The following GTPBP1 variants were observed in gnomAD, a reference collection of about 807,000 sequenced individuals.
GTPBP1 encodes the protein GTP binding protein 1.
Under a neutral mutation model 62.0 loss-of-function variants are expected in GTPBP1, and 23 were observed. The observed-to-expected ratio is 0.37, with a 90% CI of 0.27 to 0.53. The LOEUF (loss-of-function observed/expected upper bound fraction) is 0.53. GTPBP1 is among the 20% of genes least tolerant of loss of function. The pLI is 0.89. For synonymous variants in GTPBP1, 344 were observed against 364.4 expected, an observed-to-expected ratio of 0.94 and a Z score of 0.64; for missense variants, 640 against 917.3, an observed-to-expected ratio of 0.70 and a Z score of 3.90.
At chr22:38,736,538 T>C, downstream of GTPBP1, 1 of 562,578 alleles carries the variant, frequency 1.8e-6, no homozygotes, top group African/African-American at 1.9e-5. Flanking sequence ...CTCCTATCTT[T>C]AGCCTCCTGA....
chr22:38,738,165 T>C (rs1404213841), downstream of GTPBP1: 4 of 1,613,690 alleles, frequency 2.5e-6, no homozygotes, highest in African/African-American at 2.7e-5. This position sits in a 1 kb window ranked among gnomAD's most constrained non-coding sequence, Gnocchi z 6.6. Flanking sequence ...CACAGCAGCA[T>C]CCCGTACCTG....
At position 38,718,787 on chromosome 22, in the gene GTPBP1, C is replaced by G. The variant is rs1189849381; in HGVS notation, c.834+1787C>G. 2.6e-5 allele frequency among the ~76,000 whole-genome samples: 4 copies of G among 152,310 alleles called. No individual in the cohort carries two copies. In the East Asian group the frequency reaches 7.7e-4, roughly 29 times the overall value. ...GTGAAAAGTTTCCTCCCAGAGGCAA[C>G]CAGTGTTTCCAGTTTCCTGTGTACC... On this transcript the variant is annotated intron_variant, in intron 4 of 11. Coordinates refer to ENST00000216044, the MANE Select transcript of GTPBP1 (RefSeq NM_004286.5).
rs1048702741 is a variant in GTPBP1 at position 38,732,863 on chromosome 22, CTT to C, written c.*2163_*2164del. The C allele has an allele frequency of 3.3e-5, 5 of 152,208 alleles. No individual in the cohort carries two copies. Among genetic ancestry groups the C allele is most frequent in the Non-Finnish European group, 7.3e-5 (5 of 68,060 alleles). 9.4% of individuals were successfully genotyped at this position (152,208 alleles called of 1,614,324 possible). ...GGTGCACGCCACCACGCCCAGCTAA[CTT>C]TTTGTATTTTAGTAGAGACAGGGTT... is the stretch of plus-strand genomic sequence containing the variant. On this transcript the variant is annotated 3_prime_UTR_variant, in exon 12 of 12. Coordinates refer to ENST00000216044, the MANE Select transcript of GTPBP1 (RefSeq NM_004286.5).
downstream of GTPBP1, chr22:38,738,869 C>T (rs2092830070): frequency 6.2e-7 from 1 of 1,600,208 alleles, no homozygotes; most frequent in Admixed American, 1.7e-5. This position sits in a 1 kb window ranked among gnomAD's most constrained non-coding sequence, Gnocchi z 6.6. Context: ...TGCCAGGTGC[C>T]CACCTGGAGG....
chr22:38,729,646 G>A lies in GTPBP1; in HGVS notation c.1901G>A (p.Ser634Asn). ...GGGGCAGGGCAACCAGCTGCGTCCA[G>A]CAATCTCCAGCCTCAGGTGAGCACG... Reference protein sequence around the residue: ...SVGAGQPAASSNLQPQPKPSS... With the variant: ...SVGAGQPAASNNLQPQPKPSS... The change falls in exon 11 of 12, where the codon AGC becomes AAC. Residue 634 changes from serine to asparagine, a missense_variant. Physicochemically the swap from Ser to Asn is conservative, Grantham distance 46 (BLOSUM62 1). Transcript: ENST00000216044. The A allele has an allele frequency of 1.3e-6, 2 of 1,501,540 alleles. No homozygotes were observed. Among genetic ancestry groups the A allele is most frequent in the Non-Finnish European group, 1.8e-6 (2 of 1,126,216 alleles). The allele number at this position is 1,501,540 out of a possible 1,614,324, so 93.0% of individuals were successfully genotyped here.
At chr22:38,718,144 A>G (rs374645421) in intron 4 of GTPBP1, among the ~76,000 whole-genome samples, 12 of 152,176 alleles carry the variant, frequency 7.9e-5, no homozygotes, top group African/African-American at 2.2e-4. Flanking sequence ...ATTTCCTTCA[A>G]TGTTGCAAAG....
chr22:38,716,339 A>G lies in GTPBP1; in HGVS notation c.485+252A>G. Reference sequence around the variant, plus strand: ...GTGTTTCTTTTCCCTTCAGCCTGTGAGCCTGGAAACCAGGGTCATGGAGAA... The same window carrying G: ...GTGTTTCTTTTCCCTTCAGCCTGTGGGCCTGGAAACCAGGGTCATGGAGAA... On this transcript the variant is annotated intron_variant, in intron 3 of 11. Transcript: ENST00000216044. This position sits in a 1 kb window ranked among gnomAD's most constrained non-coding sequence, Gnocchi z 5.2. 1 of 584,436 alleles carries G rather than the reference A, an allele frequency of 1.7e-6. No individual in the cohort carries two copies. The allele number at this position is 584,436 out of a possible 1,614,324, so 36.2% of individuals were successfully genotyped here.
intron 1 of GTPBP1, chr22:38,706,414 C>T (rs2092604854): frequency 6.7e-6 from 2 of 300,750 alleles, no homozygotes; most frequent in South Asian, 1.6e-4. Context: ...ATCGTAACCC[C>T]TCGGCTCTGC....
downstream of GTPBP1, chr22:38,742,166 AAAG>A: frequency 8.5e-7 from 1 of 1,182,604 alleles, no homozygotes; most frequent in Non-Finnish European, 1.2e-6. Flanking sequence ...AAAAAGAAAA[AAAG>A]AGAAAGGGAG....
At chr22:38,721,428 C>T (rs1365278144) in intron 4 of GTPBP1, among the ~76,000 whole-genome samples, 4 of 151,946 alleles carry the variant, frequency 2.6e-5, no homozygotes, top group Non-Finnish European at 5.9e-5. Context: ...GGTTGTCCTG[C>T]CTGGTCTCAA....
rs2092702662 is a variant in GTPBP1 at position 38,721,924 on chromosome 22, C to T, written c.958+59C>T. 2.2e-6 allele frequency: 3 copies of T among 1,368,124 alleles called. No individual in the cohort carries two copies. The South Asian group carries it at 5.0e-5, about 23-fold the overall frequency. 84.7% of individuals were successfully genotyped at this position (1,368,124 alleles called of 1,614,324 possible). A position where few individuals can be genotyped will look rare whatever the true frequency, so the allele number is the denominator to read the frequency against. On this transcript the variant is annotated intron_variant, in intron 5 of 11. Transcript: ENST00000216044. ...TGATTGGGGCTGTCACCTGCTGTGC[C>T]TTCAGGTGGTCTGCTACCACGGCTT...
chr22:38,725,859 C>A, intron 6 of GTPBP1, 147 bp from the exon 7 acceptor site: 1 of 745,488 alleles, frequency 1.3e-6, no homozygotes, highest in South Asian at 1.6e-5. Context: ...GAGGTCAAGC[C>A]CTTGGAGGCA....
Position 38,727,080 on chromosome 22 carries a change from G to T in GTPBP1, c.1402-133G>T. The T allele has an allele frequency of 1.3e-6, 1 of 793,344 alleles. No individual in the cohort carries two copies. 49.1% of individuals were successfully genotyped at this position (793,344 alleles called of 1,614,324 possible). A position where few individuals can be genotyped will look rare whatever the true frequency, so the allele number is the denominator to read the frequency against. On this transcript the variant is annotated intron_variant, in intron 8 of 11. Coordinates refer to ENST00000216044, the MANE Select transcript of GTPBP1 (RefSeq NM_004286.5). This position sits in a 1 kb window ranked among gnomAD's most constrained non-coding sequence, Gnocchi z 6.5. Reference sequence around the variant, plus strand: ...GTGCTGTCCACCCTAGAAGGCCTGTGGTCCAGTTGGTGAGGAAACCAGGCA... The same window carrying T: ...GTGCTGTCCACCCTAGAAGGCCTGTTGTCCAGTTGGTGAGGAAACCAGGCA...
At position 38,726,991 on chromosome 22, in the gene GTPBP1, G is replaced by C. The variant is rs531549762; in HGVS notation, c.1402-222G>C. ...CCGAGCAGCTGAAGTGCTGATTCCC[G>C]CATGAAGCCTTCCTGACCCCCAGTA... On this transcript the variant is annotated intron_variant, in intron 8 of 11. Transcript: ENST00000216044. The surrounding 1 kb of genome is among the most constrained non-coding windows in gnomAD (Gnocchi z 4.1). 6.6e-6 allele frequency among the ~76,000 whole-genome samples: 1 copy of C among 152,084 alleles called. No homozygotes were observed. The highest frequency in any genetic ancestry group is 1.5e-5 in the Non-Finnish European group (1 of 68,012).
chr22:38,711,019 T>G (rs753917524), intron 2 of GTPBP1, among the ~76,000 whole-genome samples: 8 of 152,234 alleles, frequency 5.3e-5, no homozygotes, highest in Middle Eastern at 3.4e-3. Context: ...TCATAGTGAC[T>G]CCTCCTGCTG....
downstream of GTPBP1, chr22:38,738,842 GC>G (rs1569294971): frequency 2.5e-6 from 4 of 1,595,168 alleles, no homozygotes; most frequent in East Asian, 2.2e-5. The surrounding 1 kb of genome is among the most constrained non-coding windows in gnomAD (Gnocchi z 6.6). Context: ...TGTGCTCAGA[GC>G]CCCCGCTGCT....
chr22:38,727,910 C>T lies in GTPBP1; in HGVS notation c.1538-73C>T. ...ACAGCTTAAGCGTATTTCATGCTTT[C>T]ACTCACTGCCTCCCGTTGTCCTGAA... On this transcript the variant is annotated intron_variant, in intron 9 of 11. Coordinates refer to ENST00000216044, the MANE Select transcript of GTPBP1 (RefSeq NM_004286.5). The surrounding 1 kb of genome is among the most constrained non-coding windows in gnomAD (Gnocchi z 6.5). The T allele has an allele frequency of 9.8e-7, 1 of 1,019,222 alleles. No individual in the cohort carries two copies. The highest frequency in any genetic ancestry group is 1.5e-6 in the Non-Finnish European group (1 of 650,702). 63.1% of individuals were successfully genotyped at this position (1,019,222 alleles called of 1,614,324 possible).
intron 6 of GTPBP1, among the ~76,000 whole-genome samples, chr22:38,724,786 G>A (rs2145875216): frequency 6.6e-6 from 1 of 152,300 alleles, no homozygotes; most frequent in Middle Eastern, 3.4e-3. Context: ...CTGGCTGATG[G>A]ATGGTAAATA....
At chr22:38,708,176 G>C (rs1376430094) in intron 1 of GTPBP1, among the ~76,000 whole-genome samples, 1 of 152,224 alleles carries the variant, frequency 6.6e-6, no homozygotes, top group East Asian at 1.9e-4. Context: ...CTTTGTCCAA[G>C]GTCACACAGG....
Sources: allele counts gnomAD v4.1 joint callset (sites outside exome capture counted in the v4.1 genomes callset), GRCh38; gene constraint gnomAD v4.1.1; non-coding constraint Gnocchi (gnomAD v3.1); transcripts MANE v1.5; gene names NCBI Gene and HGNC (gene_info 2026-07-23, HGNC 2026-07-21).